STAT1: variants seen among roughly 807,000 people sequenced by gnomAD.
STAT1 encodes signal transducer and activator of transcription 1-alpha/beta.
A neutral mutation model predicts 111.7 loss-of-function variants in STAT1; 24 were observed. The ratio of observed to expected loss-of-function variants is 0.21; its 90% confidence interval spans 0.16 to 0.30. The LOEUF (loss-of-function observed/expected upper bound fraction) is 0.30, where lower values mean the gene tolerates loss of function less well. STAT1 is among the 10% of genes least tolerant of loss of function. The pLI, the probability that STAT1 is intolerant of heterozygous loss-of-function variation, is 1.00. For missense variants in STAT1, 351 were observed against 911.9 expected (o/e 0.38, Z 7.92); for synonymous variants, 332 against 326.5 (o/e 1.02, Z -0.18).
At chr2:191,008,855 T>C in intron 4 of STAT1, 108 bp downstream of exon 4, 1 of 1,215,904 alleles carries the variant, frequency 8.2e-7, no homozygotes, top group Admixed American at 2.2e-5. Context: ...TCTCTATTAC[T>C]TCTCTAAATA....
rs397840071 is a variant in STAT1 at position 190,975,626 on chromosome 2, CTTTT to C, written c.2135+182_2135+185del. On this transcript the variant is annotated intron_variant, in intron 23 of 24. Transcript: ENST00000361099. The surrounding 1 kb of genome is among the most constrained non-coding windows in gnomAD (Gnocchi z 5.9). Reference sequence around the variant, plus strand: ...CCTTAAATACAAATTTGGTTTTTGGCTTTTTTTTTTTTTTTAAAGTAGTAAAATG... The same window carrying C: ...CCTTAAATACAAATTTGGTTTTTGGCTTTTTTTTTTTAAAGTAGTAAAATG... The C allele has an allele frequency of 6.9e-6, 9 of 1,308,214 alleles. No homozygotes were observed. Among genetic ancestry groups the C allele is most frequent in the African/African-American group, 3.3e-5 (2 of 60,868 alleles). 81.0% of individuals were successfully genotyped at this position (1,308,214 alleles called of 1,614,324 possible).
intron 10 of STAT1, 122 bp downstream of exon 10, chr2:190,994,927 AATATATATATAT>A (rs1159903683): frequency 4.5e-5 from 6 of 133,100 alleles, no homozygotes; most frequent in South Asian, 3.3e-4. Context: ...AAAAAAAAAA[AATATATATATAT>A]ATATATATAT....
Position 190,974,874 on chromosome 2 carries a change from C to G in STAT1, c.2194G>C (p.Asp732His). ...NLLPMSPEEF[D>H]EVSRIVGSVE... ...GAGCCCACTATCCGAGACACCTCGT[C>G]AAACTCCTCAGGAGACATGGGGAGC... Residue 732 changes from aspartate to histidine, a missense_variant, in exon 24 of 25, where the codon GAC becomes CAC. This residue lies in a region of STAT1 where 181 missense variants were observed against 426.1 expected (regional missense o/e 0.42). Transcript: ENST00000361099. The surrounding 1 kb of genome is among the most constrained non-coding windows in gnomAD (Gnocchi z 4.8). 1 of 1,614,222 alleles carries G rather than the reference C, an allele frequency of 6.2e-7. No individual in the cohort carries two copies. Among genetic ancestry groups the G allele is most frequent in the Non-Finnish European group, 8.5e-7 (1 of 1,180,026 alleles).
rs1230127706 is a variant in STAT1 at position 190,999,538 on chromosome 2, C to A, written c.541+88G>T. ...GAATTCAGAGTCATAAAATACTCGG[C>A]AAATAGAAAGGAGTAATCATCTTCG... is the stretch of plus-strand genomic sequence containing the variant. On this transcript the variant is annotated intron_variant, in intron 7 of 24. Transcript: ENST00000361099. This position sits in a 1 kb window ranked among gnomAD's most constrained non-coding sequence, Gnocchi z 4.1. 34 of 910,034 alleles carry A rather than the reference C, an allele frequency of 3.7e-5. No individual in the cohort carries two copies. Among genetic ancestry groups the A allele is most frequent in the Non-Finnish European group, 6.2e-5 (34 of 547,788 alleles). 56.4% of individuals were successfully genotyped at this position (910,034 alleles called of 1,614,324 possible). A position where few individuals can be genotyped will look rare whatever the true frequency, so the allele number is the denominator to read the frequency against.
Position 190,999,619 on chromosome 2 carries a change from C to T in STAT1, c.541+7G>A. ...CAACGGGCACCACTTCAGTTGTGAA[C>T]CCTTACCTCTGTTCTGCAAGGTTTT... is the stretch of plus-strand genomic sequence containing the variant. On this transcript the variant is annotated splice_region_variant and intron_variant, in intron 7 of 24. Transcript: ENST00000361099. This position sits in a 1 kb window ranked among gnomAD's most constrained non-coding sequence, Gnocchi z 4.1. 1 of 1,611,190 alleles carries T rather than the reference C, an allele frequency of 6.2e-7. No homozygotes were observed. Among genetic ancestry groups the T allele is most frequent in the Non-Finnish European group, 8.5e-7 (1 of 1,177,458 alleles).
At chr2:191,005,057 T>C (rs1220820975) in intron 5 of STAT1, among the ~76,000 whole-genome samples, 1 of 152,216 alleles carries the variant, frequency 6.6e-6, no homozygotes, top group East Asian at 1.9e-4. Context: ...TAAAAGCTCT[T>C]ATATTAAAAA....
chr2:190,991,350 T>C (rs751525972), intron 10 of STAT1, 30 bp from the exon 11 acceptor site: 1 of 1,607,782 alleles, frequency 6.2e-7, no homozygotes, highest in Admixed American at 1.7e-5. Flanking sequence ...GATAGATAAG[T>C]TAGCATTTCC....
chr2:191,013,376 T>G, intron 2 of STAT1, 149 bp downstream of exon 2: 1 of 320,862 alleles, frequency 3.1e-6, no homozygotes, highest in Non-Finnish European at 5.6e-6. Context: ...TTTAAGACTA[T>G]ATTATTTTGG....
intron 2 of STAT1, chr2:191,010,292 C>A: frequency 4.1e-6 from 2 of 490,358 alleles, no homozygotes. Context: ...GCAACCACCT[C>A]CCACCCTGGA....
In STAT1 at chr2:191,004,273, G is replaced by C. The variant is rs1158825756; in HGVS notation, c.373-3110C>G. Among the ~76,000 whole-genome samples the C allele has an allele frequency of 1.3e-5, 2 of 152,150 alleles. No homozygotes were observed. The highest frequency in any genetic ancestry group is 6.5e-5 in the Admixed American group (1 of 15,280). On this transcript the variant is annotated intron_variant, in intron 5 of 24. Coordinates refer to ENST00000361099, the MANE Select transcript of STAT1 (RefSeq NM_007315.4). The surrounding 1 kb of genome is among the most constrained non-coding windows in gnomAD (Gnocchi z 5.0). ...AAGAAACCAGGAGTACTGAAACCAC[G>C]GGAATTTCAAACACTGAAGTTGGAA... is the stretch of plus-strand genomic sequence containing the variant.
At position 190,981,725 on chromosome 2, in the gene STAT1, C is replaced by T. The variant is rs191123222; in HGVS notation, c.1582+658G>A. On this transcript the variant is annotated intron_variant, in intron 18 of 24. Transcript: ENST00000361099. The surrounding 1 kb of genome is among the most constrained non-coding windows in gnomAD (Gnocchi z 4.1). ...AAAGCAAATCTGGATACAAGTTGTC[C>T]ACGGATTTTTAAAGAAATAGTTCAG... Among the ~76,000 whole-genome samples, 2 of 152,322 alleles carry T rather than the reference C, an allele frequency of 1.3e-5. No individual in the cohort carries two copies. Among genetic ancestry groups the T allele is most frequent in the Non-Finnish European group, 1.5e-5 (1 of 68,038 alleles).
chr2:190,980,780 A>C lies in STAT1; in HGVS notation c.1583-111T>G, dbSNP rs1692323663. The C allele has an allele frequency of 9.7e-7, 1 of 1,030,530 alleles. No individual in the cohort carries two copies. Among genetic ancestry groups the C allele is most frequent in the East Asian group, 2.5e-5 (1 of 39,868 alleles). 63.8% of individuals were successfully genotyped at this position (1,030,530 alleles called of 1,614,324 possible). ...AAGGAAAAGAGCCAAACACCCAACA[A>C]AGATTGTATGTACACAGTTGACATT... On this transcript the variant is annotated intron_variant, in intron 18 of 24. Transcript: ENST00000361099. This position sits in a 1 kb window ranked among gnomAD's most constrained non-coding sequence, Gnocchi z 6.1.
chr2:190,978,559 G>A lies in STAT1; in HGVS notation c.1873+297C>T, dbSNP rs760541611. On this transcript the variant is annotated intron_variant, in intron 21 of 24. Coordinates refer to ENST00000361099, the MANE Select transcript of STAT1 (RefSeq NM_007315.4). This position sits in a 1 kb window ranked among gnomAD's most constrained non-coding sequence, Gnocchi z 6.1. ...GGGAAATGTGATTCCTTCCAAGAACGGGTTGCAGATTACATTGACTCACAT... is the reference window on the plus strand; with the variant it reads ...GGGAAATGTGATTCCTTCCAAGAACAGGTTGCAGATTACATTGACTCACAT... 1 of 432,618 alleles carries A rather than the reference G, an allele frequency of 2.3e-6. No homozygotes were observed. Among genetic ancestry groups the A allele is most frequent in the South Asian group, 2.1e-5 (1 of 48,018 alleles). 26.8% of individuals were successfully genotyped at this position (432,618 alleles called of 1,614,324 possible).
Position 191,001,751 on chromosome 2 carries a change from T to C in STAT1, c.373-588A>G, listed in dbSNP as rs41453045. On this transcript the variant is annotated intron_variant, in intron 5 of 24. Coordinates refer to ENST00000361099, the MANE Select transcript of STAT1 (RefSeq NM_007315.4). ...AGACTTGCCTGGGAGTATTCAGTCC[T>C]ATTTTTGATAATCAGAACACTCAGA... Among the ~76,000 whole-genome samples, 1,257 of 152,354 alleles carry C rather than the reference T, an allele frequency of 8.3e-3. 28 individuals carry two copies. The highest frequency in any genetic ancestry group is 0.028 in the African/African-American group (1,181 of 41,588).
intron 5 of STAT1, among the ~76,000 whole-genome samples, chr2:191,005,846 A>G (rs1290182754): frequency 1.3e-5 from 2 of 152,238 alleles, no homozygotes; most frequent in African/African-American, 4.8e-5. Flanking sequence ...TGACATCCCC[A>G]GACACCCAGA....
rs1692397938 is a variant in STAT1 at position 190,981,606 on chromosome 2, C to T, written c.1582+777G>A. On this transcript the variant is annotated intron_variant, in intron 18 of 24. Coordinates refer to ENST00000361099, the MANE Select transcript of STAT1 (RefSeq NM_007315.4). This position sits in a 1 kb window ranked among gnomAD's most constrained non-coding sequence, Gnocchi z 4.1. ...AAACAGCACAAGACCACCACTGTGA[C>T]AGCTGCATATCCAAGAGAAGAAGGC... Among the ~76,000 whole-genome samples, 1 of 152,240 alleles carries T rather than the reference C, an allele frequency of 6.6e-6. No individual in the cohort carries two copies. The highest frequency in any genetic ancestry group is 1.5e-5 in the Non-Finnish European group (1 of 68,044).
chr2:191,002,584 A>G (rs772514839), intron 5 of STAT1, among the ~76,000 whole-genome samples: 8 of 152,352 alleles, frequency 5.3e-5, no homozygotes, highest in Non-Finnish European at 1.0e-4. Context: ...TTAAAATTAC[A>G]AGTTAACTCA....
At chr2:190,972,082 T>C (rs192876066) in intron 24 of STAT1, among the ~76,000 whole-genome samples, 2 of 152,012 alleles carry the variant, frequency 1.3e-5, no homozygotes, top group South Asian at 2.1e-4. Context: ...GAGGGGGAGA[T>C]AGATAGATAG....
Position 191,009,989 on chromosome 2 carries a change from G to A in STAT1, c.15C>T (p.Tyr5=), listed in dbSNP as rs767430601. 3.1e-6 allele frequency: 5 copies of A among 1,613,800 alleles called. No homozygotes were observed. The highest frequency in any genetic ancestry group is 3.4e-6 in the Non-Finnish European group (4 of 1,179,846). MSQW[Y]ELQQLDSKFL... ...ATTTTGAGTCAAGCTGCTGAAGTTC[G>A]TACCACTGAGACATCCTATAGGGAA... The change falls in exon 3 of 25, where the codon TAC becomes TAT. Residue 5 remains tyrosine (Y), a synonymous_variant. Transcript: ENST00000361099.
Sources: gnomAD v4.1 joint callset for allele counts (sites outside exome capture counted in the v4.1 genomes callset) on GRCh38, gnomAD v4.1.1 for gene constraint, gnomAD v4.1.1 regional missense constraint, Gnocchi (gnomAD v3.1) non-coding constraint, MANE v1.5 for transcripts, NCBI Gene and HGNC (gene_info 2026-07-23, HGNC 2026-07-21) for gene names.